The following SLC39A9 variants were observed in gnomAD, a reference collection of about 807,000 sequenced individuals.
SLC39A9 encodes the protein solute carrier family 39 member 9, also known as zinc transporter ZIP9.
SLC39A9 carries 14 observed loss-of-function variants against 28.4 expected under a neutral mutation model. That is an observed-to-expected ratio of 0.49 (90% CI 0.33 to 0.77). The LOEUF is 0.77. Ranked by LOEUF, SLC39A9 falls within the 30% of genes least tolerant of loss-of-function variation. The pLI is 0.02. For missense variants in SLC39A9, 283 were observed against 381.1 expected (o/e 0.74, Z 2.14); for synonymous variants, 119 against 149.6 (o/e 0.80, Z 1.49).
intron 2 of SLC39A9, among the ~76,000 whole-genome samples, chr14:69,431,959 C>T (rs1209064953): frequency 3.9e-5 from 6 of 152,142 alleles, no homozygotes; most frequent in Non-Finnish European, 8.8e-5. Context: ...TCCAGTCCAC[C>T]GTTGATGGGC....
rs755877092 is a variant in SLC39A9, at chr14:69,455,789, C to G, written c.616C>G (p.Arg206Gly). Residue 206 changes from arginine to glycine, a missense_variant, in exon 6 of 7, where the codon CGA (arginine) becomes GGA (glycine). Coordinates refer to ENST00000336643, the MANE Select transcript of SLC39A9 (RefSeq NM_018375.5). ...GATGCATGCTGGCTTAGAGCGGAAT[C>G]GAATCAGAAAGCACTTGCTGGTCTT... ...FLMHAGLERN[R>G]IRKHLLVFAL... 13 of 1,614,054 alleles carry G rather than the reference C, an allele frequency of 8.1e-6. No individual in the cohort carries two copies. The highest frequency in any genetic ancestry group is 1.7e-5 in the Admixed American group (1 of 60,002).
At chr14:69,456,805 C>T (rs1885885713) in intron 6 of SLC39A9, among the ~76,000 whole-genome samples, 1 of 152,126 alleles carries the variant, frequency 6.6e-6, no homozygotes, top group Non-Finnish European at 1.5e-5. Context: ...GGCAGTAAAA[C>T]CCATATTAAT....
Position 69,458,675 on chromosome 14 carries a change from G to T in SLC39A9, c.*82G>T. On this transcript the variant is annotated 3_prime_UTR_variant, in exon 7 of 7. Coordinates refer to ENST00000336643, the MANE Select transcript of SLC39A9 (RefSeq NM_018375.5). ...CACGTGACAGCTACTCACTTCCTCA[G>T]TCTCTTGTCTCACCTTGCGCATCTC... 6.8e-7 allele frequency: 1 copy of T among 1,467,436 alleles called. No homozygotes were observed. The highest frequency in any genetic ancestry group is 9.0e-7 in the Non-Finnish European group (1 of 1,107,276). 90.9% of individuals were successfully genotyped at this position (1,467,436 alleles called of 1,614,324 possible).
chr14:69,459,780 C>A lies in SLC39A9; in HGVS notation c.*1187C>A. 1 of 985,336 alleles carries A rather than the reference C, an allele frequency of 1.0e-6. No homozygotes were observed. The highest frequency in any genetic ancestry group is 1.7e-5 in the African/African-American group (1 of 57,318). The allele number at this position is 985,336 out of a possible 1,614,324, so 61.0% of individuals were successfully genotyped here. A position where few individuals can be genotyped will look rare whatever the true frequency, so the allele number is the denominator to read the frequency against. On this transcript the variant is annotated 3_prime_UTR_variant, in exon 7 of 7. Transcript: ENST00000336643. ...CTTCTAACTTTTCCCTCTAGCCTCT[C>A]CTCGCCACAATTTGCTGCTTACTGC... is the stretch of plus-strand genomic sequence containing the variant.
intron 2 of SLC39A9, 183 bp from the exon 3 acceptor site, chr14:69,441,886 T>A (rs1402924699): frequency 4.3e-6 from 6 of 1,383,662 alleles, no homozygotes; most frequent in Non-Finnish European, 5.6e-6. Flanking sequence ...AGAAGACATT[T>A]GGGAATTTTT....
At position 69,460,844 on chromosome 14, in the gene SLC39A9, C is replaced by T. The variant is rs1027619695; in HGVS notation, c.*2251C>T. 7.0e-5 allele frequency: 69 copies of T among 985,340 alleles called. No individual in the cohort carries two copies. Among genetic ancestry groups the T allele is most frequent in the Non-Finnish European group, 8.2e-5 (68 of 829,950 alleles). The allele number at this position is 985,340 out of a possible 1,614,324, so 61.0% of individuals were successfully genotyped here. On this transcript the variant is annotated 3_prime_UTR_variant, in exon 7 of 7. Transcript: ENST00000336643. The stretch of plus-strand genomic sequence containing the variant: ...TAAAGCTGCTGCCTCGAGAACTACT[C>T]ATTTCTCTCCTGGTCAGCAGACAGA...
intron 2 of SLC39A9, among the ~76,000 whole-genome samples, chr14:69,427,325 T>C (rs1346508633): frequency 2.0e-5 from 3 of 152,138 alleles, no homozygotes; most frequent in African/African-American, 4.8e-5. Context: ...GTGGTGTCAT[T>C]TGAAAACAGA....
intron 1 of SLC39A9, among the ~76,000 whole-genome samples, chr14:69,416,031 A>G (rs1883560438): frequency 1.3e-5 from 2 of 152,148 alleles, no homozygotes; most frequent in Non-Finnish European, 2.9e-5. Flanking sequence ...TTAACTCGCC[A>G]TTTACATTAG....
intron 2 of SLC39A9, among the ~76,000 whole-genome samples, chr14:69,427,664 T>C (rs1884269677): frequency 6.6e-6 from 1 of 152,216 alleles, no homozygotes; most frequent in Admixed American, 6.5e-5. Context: ...CAGAATGTCA[T>C]AAATGGAATC....
rs2296723 is a variant in SLC39A9, at chr14:69,424,189, A to C, written c.192A>C (p.Glu64Asp). 236 of 1,612,218 alleles carry C rather than the reference A, an allele frequency of 1.5e-4. 2 individuals are homozygous for C. In the East Asian group the frequency reaches 4.5e-3, roughly 31 times the overall value. ...CTGAAGGAGTACATGCCCTTTATGA[A>C]GATATTCTTGAGGGTGAGAAAGGGA... Reference protein sequence around the residue: ...IVPEGVHALYEDILEGKHHQA... With the variant: ...IVPEGVHALYDDILEGKHHQA... The change falls in exon 2 of 7, where the codon GAA (glutamate) becomes GAC (aspartate). Residue 64 changes from glutamate to aspartate, a missense_variant. Glu to Asp is a conservative substitution (Grantham distance 45, BLOSUM62 2). Transcript: ENST00000336643.
intron 3 of SLC39A9, among the ~76,000 whole-genome samples, chr14:69,448,594 A>G (rs941730167): frequency 1.3e-5 from 2 of 152,252 alleles, no homozygotes; most frequent in Non-Finnish European, 2.9e-5. Flanking sequence ...CAATGTCATA[A>G]AAGTCAAAGC....
chr14:69,399,290 C>T lies in SLC39A9; in HGVS notation c.-80C>T. On this transcript the variant is annotated 5_prime_UTR_variant, in exon 1 of 7. Transcript: ENST00000336643. ...GCCCACTCTCTTGGAACCACCACACCTGTTTAAAGAACCTAAGCACCATTT... is the reference window on the plus strand; with the variant it reads ...GCCCACTCTCTTGGAACCACCACACTTGTTTAAAGAACCTAAGCACCATTT... 3 of 1,253,032 alleles carry T rather than the reference C, an allele frequency of 2.4e-6. No homozygotes were observed. The South Asian group carries it at 3.8e-5, about 16-fold the overall frequency. The allele number at this position is 1,253,032 out of a possible 1,614,324, so 77.6% of individuals were successfully genotyped here. A position where few individuals can be genotyped will look rare whatever the true frequency, so the allele number is the denominator to read the frequency against.
At chr14:69,431,418 T>A (rs1594928584) in intron 2 of SLC39A9, among the ~76,000 whole-genome samples, 1 of 151,938 alleles carries the variant, frequency 6.6e-6, no homozygotes, top group African/African-American at 2.4e-5. Flanking sequence ...TTTTTTTTTT[T>A]ACCTTCCTTA....
At chr14:69,445,990 T>C (rs373908768) in intron 3 of SLC39A9, among the ~76,000 whole-genome samples, 1 of 151,824 alleles carries the variant, frequency 6.6e-6, no homozygotes, top group African/African-American at 2.4e-5. Flanking sequence ...TTGGGTAGAG[T>C]TGGGAGAAAA....
chr14:69,436,430 G>A (rs1884757097), intron 2 of SLC39A9, among the ~76,000 whole-genome samples: 1 of 152,174 alleles, frequency 6.6e-6, no homozygotes, highest in African/African-American at 2.4e-5. Flanking sequence ...TTGGTTGTAT[G>A]CTGGACATTT....
intron 1 of SLC39A9, among the ~76,000 whole-genome samples, chr14:69,416,905 C>T (rs552880278): frequency 5.9e-5 from 9 of 152,148 alleles, no homozygotes; most frequent in Non-Finnish European, 1.2e-4. Flanking sequence ...CAAAAATTTT[C>T]TCCCCTTCTG....
intron 2 of SLC39A9, among the ~76,000 whole-genome samples, chr14:69,438,026 T>C (rs1315185457): frequency 3.7e-4 from 55 of 147,190 alleles, no homozygotes; most frequent in African/African-American, 4.7e-4. Context: ...CCCTTACCCT[T>C]TTTTTTTTTT....
chr14:69,413,760 A>T (rs78219147), intron 1 of SLC39A9, among the ~76,000 whole-genome samples: 66 of 152,246 alleles, frequency 4.3e-4, no homozygotes, highest in African/African-American at 1.5e-3. Flanking sequence ...GTATTATGCT[A>T]TGCAGTGAGC....
chr14:69,407,319 C>CCTTCCTTCCTTT (rs773105504), intron 1 of SLC39A9, among the ~76,000 whole-genome samples: 1 of 149,646 alleles, frequency 6.7e-6, no homozygotes, highest in African/African-American at 2.5e-5. Context: ...TTCCTTCCTT[C>CCTTCCTTCCTTT]CTTCCTTCCT....
Sources: allele counts gnomAD v4.1 joint callset (sites outside exome capture counted in the v4.1 genomes callset), GRCh38; gene constraint gnomAD v4.1.1; transcripts MANE v1.5; gene names NCBI Gene and HGNC (gene_info 2026-07-23, HGNC 2026-07-21).